Variants in TPM4 observed in about 807,000 individuals in gnomAD.
TPM4 encodes the protein tropomyosin alpha-4 chain.
TPM4 carries 17 observed loss-of-function variants against 35.8 expected under a neutral mutation model. That is an observed-to-expected ratio of 0.47 (90% confidence interval 0.32 to 0.71). The LOEUF is 0.71. Ranked by LOEUF, TPM4 falls within the 30% of genes least tolerant of loss-of-function variation. The probability of loss-of-function intolerance (pLI) is 0.03; values close to 1 mark genes in which losing one functional copy is unlikely to be tolerated. For missense variants in TPM4, 240 were observed against 320.9 expected, an observed-to-expected ratio of 0.75 and a Z score of 1.93; for synonymous variants, 120 against 122.9, an observed-to-expected ratio of 0.98 and a Z score of 0.15.
At chr19:16,083,537 A>C (rs1009652478) in intron 2 of TPM4, among the ~76,000 whole-genome samples, 1 of 152,142 alleles carries the variant, frequency 6.6e-6, no homozygotes, top group African/African-American at 2.4e-5. Flanking sequence ...TAGCCAGATC[A>C]TTCTCTGGCA....
chr19:16,077,492 G>A (rs978897869), intron 1 of TPM4: 14 of 152,238 alleles, frequency 9.2e-5, no homozygotes, highest in Admixed American at 8.5e-4. Flanking sequence ...TGAAAAAGGA[G>A]GGAGTTTCAC....
chr19:16,088,281 C>T, intron 4 of TPM4, 184 bp downstream of exon 4: 1 of 1,407,372 alleles, frequency 7.1e-7, no homozygotes, highest in African/African-American at 1.4e-5. Flanking sequence ...TTCTTACTGC[C>T]ATGGGAAGCA....
chr19:16,076,986 G>A (rs1242737830), intron 1 of TPM4: 2 of 428,650 alleles, frequency 4.7e-6, no homozygotes, highest in Non-Finnish European at 7.0e-6. Flanking sequence ...AGCGATCTCC[G>A]GGTGGAGAAG....
chr19:16,079,660 C>T (rs116001472), intron 1 of TPM4: 2,848 of 207,290 alleles, frequency 0.014, 57 homozygotes, highest in African/African-American at 0.051. Flanking sequence ...ATTTTTTTTT[C>T]CCCCAGTATG....
intron 7 of TPM4, among the ~76,000 whole-genome samples, chr19:16,098,525 G>A (rs1319144100): frequency 4.6e-5 from 7 of 152,138 alleles, no homozygotes; most frequent in Admixed American, 1.3e-4. Context: ...GAGCCTTGTC[G>A]TGATTCTCAA....
chr19:16,099,655 GA>G (rs1337609592), intron 7 of TPM4: 1 of 152,062 alleles, frequency 6.6e-6, no homozygotes, highest in African/African-American at 2.4e-5. Context: ...CCAGGCTGAT[GA>G]TATCACATTT....
rs761130512 is a variant in TPM4 at position 16,101,568 on chromosome 19, T to C, written c.*222T>C. Reference sequence around the variant, plus strand: ...CAAATGGCACCAGCTTTTTCAGCTCTCTTATTTTTTCCTTAAGTAGCATTT... The same window carrying C: ...CAAATGGCACCAGCTTTTTCAGCTCCCTTATTTTTTCCTTAAGTAGCATTT... On this transcript the variant is annotated 3_prime_UTR_variant, in exon 8 of 8. Coordinates refer to ENST00000643579, the MANE Select transcript of TPM4 (RefSeq NM_003290.3). 2.2e-6 allele frequency: 1 copy of C among 447,402 alleles called. No homozygotes were observed. 27.7% of individuals were successfully genotyped at this position (447,402 alleles called of 1,614,324 possible).
intron 2 of TPM4, among the ~76,000 whole-genome samples, chr19:16,069,586 G>A (rs1032621360): frequency 1.1e-4 from 17 of 150,724 alleles, no homozygotes; most frequent in Admixed American, 9.3e-4. Context: ...GTTTCTATTG[G>A]TGTGTGTGGA....
upstream of TPM4, among the ~76,000 whole-genome samples, chr19:16,073,288 G>C (rs534145834): frequency 1.5e-4 from 23 of 152,354 alleles, no homozygotes; most frequent in African/African-American, 5.3e-4. Context: ...AGAGTCCTGT[G>C]TTGGGCACAC....
chr19:16,087,937 G>C (rs890175174), intron 3 of TPM4, 90 bp from the exon 4 acceptor site: 67 of 1,363,276 alleles, frequency 4.9e-5, no homozygotes, highest in Admixed American at 4.1e-4. Context: ...TAGGGGTCTG[G>C]GTGGGGCATC....
intron 2 of TPM4, among the ~76,000 whole-genome samples, chr19:16,069,821 A>T (rs2090339122): frequency 6.6e-6 from 1 of 150,870 alleles, no homozygotes; most frequent in Non-Finnish European, 1.5e-5. Context: ...TGTCGGGGTG[A>T]GTGTGTGTGT....
At chr19:16,088,396 G>C in intron 4 of TPM4, 2 of 1,245,122 alleles carry the variant, frequency 1.6e-6, no homozygotes, top group Non-Finnish European at 2.0e-6. Flanking sequence ...GGATATCTCA[G>C]GGGGCTGTGC....
chr19:16,088,364 A>G, intron 4 of TPM4: 1 of 1,298,282 alleles, frequency 7.7e-7, no homozygotes, highest in Non-Finnish European at 9.9e-7. Context: ...AGGGAAGCCC[A>G]GAAGTCCCAT....
At position 16,101,642 on chromosome 19, in the gene TPM4, C is replaced by T. The variant is rs181484867; in HGVS notation, c.*296C>T. 4.9e-4 allele frequency: 156 copies of T among 320,864 alleles called. No individual in the cohort carries two copies. Among genetic ancestry groups the T allele is most frequent in the African/African-American group, 2.1e-3 (100 of 46,918 alleles). 19.9% of individuals were successfully genotyped at this position (320,864 alleles called of 1,614,324 possible). ...TCCTAGTAAGCATACTTTCTTAAGA[C>T]GGAGGCCATTTGGTTCCTGGGAGAA... On this transcript the variant is annotated 3_prime_UTR_variant, in exon 8 of 8. Transcript: ENST00000643579.
At chr19:16,073,938 TAAAA>T (rs71178637), upstream of TPM4, among the ~76,000 whole-genome samples, 132 of 35,658 alleles carry the variant, frequency 3.7e-3, 1 homozygote, top group East Asian at 0.011. Flanking sequence ...GAAGACCATG[TAAAA>T]AAAAAAAAAA....
intron 7 of TPM4, among the ~76,000 whole-genome samples, chr19:16,094,404 G>A (rs2090668740): frequency 6.6e-6 from 1 of 151,556 alleles, no homozygotes; most frequent in Non-Finnish European, 1.5e-5. Context: ...GCGTGGTGGT[G>A]CACGCCTGTA....
upstream of TPM4, chr19:16,075,858 T>G: frequency 1.2e-6 from 1 of 854,898 alleles, no homozygotes; most frequent in Non-Finnish European, 1.7e-6. Context: ...GGGAAAGATG[T>G]GAAAATCCCA....
intron 2 of TPM4, among the ~76,000 whole-genome samples, chr19:16,069,784 GTGTGTGTGTGA>G (rs2090338667): frequency 6.6e-6 from 1 of 151,710 alleles, no homozygotes; most frequent in Admixed American, 6.6e-5. Context: ...GTTTCGATTG[GTGTGTGTGTGA>G]ATGAGTGTGT....
chr19:16,067,842 A>G lies in TPM4; in HGVS notation c.114+104A>G. On this transcript the variant is annotated intron_variant, in intron 2 of 2. Coordinates refer to the TPM4 transcript ENST00000589897. The surrounding 1 kb of genome is among the most constrained non-coding windows in gnomAD (Gnocchi z 4.1). ...GGGGGTCGCAGACACCTGCGGGAGGATAGGAGGCTGATGCTTTGGCGGAGG... is the reference window on the plus strand; with the variant it reads ...GGGGGTCGCAGACACCTGCGGGAGGGTAGGAGGCTGATGCTTTGGCGGAGG... 1 of 1,040,984 alleles carries G rather than the reference A, an allele frequency of 9.6e-7. No homozygotes were observed. The highest frequency in any genetic ancestry group is 1.4e-6 in the Non-Finnish European group (1 of 725,022). 64.5% of individuals were successfully genotyped at this position (1,040,984 alleles called of 1,614,324 possible).
Sources: gnomAD v4.1 joint callset for allele counts (sites outside exome capture counted in the v4.1 genomes callset) on GRCh38, gnomAD v4.1.1 for gene constraint, Gnocchi (gnomAD v3.1) non-coding constraint, MANE v1.5 for transcripts, NCBI Gene and HGNC (gene_info 2026-07-23, HGNC 2026-07-21) for gene names.